PTPN2: variants seen among roughly 807,000 people sequenced by gnomAD.
PTPN2 encodes tyrosine-protein phosphatase non-receptor type 2.
PTPN2 carries 19 observed loss-of-function variants against 57.3 expected under a neutral mutation model. That is an observed-to-expected ratio of 0.33 (90% CI 0.23 to 0.49). PTPN2 has a LOEUF of 0.49. PTPN2 is among the 20% of genes least tolerant of loss of function. The pLI is 0.99. For synonymous variants in PTPN2, 153 were observed against 164.9 expected (o/e 0.93, Z 0.55); for missense variants, 358 against 501.1 (o/e 0.71, Z 2.73).
At chr18:12,803,558 T>G (rs1473134959) in intron 7 of PTPN2, among the ~76,000 whole-genome samples, 4 of 152,106 alleles carry the variant, frequency 2.6e-5, no homozygotes, top group Non-Finnish European at 2.9e-5. Flanking sequence ...GAAATGATAC[T>G]CCATGCAAAT....
intron 8 of PTPN2, among the ~76,000 whole-genome samples, chr18:12,800,862 TGA>T (rs2041394562): frequency 6.6e-6 from 1 of 152,210 alleles, no homozygotes; most frequent in Non-Finnish European, 1.5e-5. Context: ...TCCTAATCTG[TGA>T]GAGACAGTCT....
chr18:12,803,781 G>A (rs946021870), intron 7 of PTPN2, among the ~76,000 whole-genome samples: 3 of 152,046 alleles, frequency 2.0e-5, no homozygotes, highest in African/African-American at 7.2e-5. Flanking sequence ...ATAATAGCAG[G>A]AGAACGCTAC....
intron 7 of PTPN2, among the ~76,000 whole-genome samples, chr18:12,808,053 C>T (rs971923020): frequency 1.3e-5 from 2 of 151,890 alleles, no homozygotes; most frequent in Non-Finnish European, 2.9e-5. Flanking sequence ...TGTGGTGGCA[C>T]GCGCCTGCAG....
At chr18:12,795,097 G>A (rs1482672253) in intron 8 of PTPN2, among the ~76,000 whole-genome samples, 2 of 152,170 alleles carry the variant, frequency 1.3e-5, no homozygotes, top group Non-Finnish European at 1.5e-5. Context: ...TAGTCAGCAG[G>A]AGCAGGAGTG....
chr18:12,820,015 C>A (rs550014424), intron 5 of PTPN2, among the ~76,000 whole-genome samples: 1 of 152,214 alleles, frequency 6.6e-6, no homozygotes, highest in Admixed American at 6.5e-5. Flanking sequence ...AGTACCCCTA[C>A]GGGGTCCTGC....
At chr18:12,859,607 G>C (rs927409091) in intron 1 of PTPN2, among the ~76,000 whole-genome samples, 1 of 152,156 alleles carries the variant, frequency 6.6e-6, no homozygotes, top group Admixed American at 6.5e-5. Context: ...CTACAAGCAA[G>C]CATCAAACAC....
rs2041058028 is a variant in PTPN2 at position 12,793,757 on chromosome 18, A to G, written c.*521T>C. The G allele has an allele frequency of 1.1e-6, 1 of 942,412 alleles. No individual in the cohort carries two copies. The highest frequency in any genetic ancestry group is 1.8e-5 in the African/African-American group (1 of 56,164). The allele number at this position is 942,412 out of a possible 1,614,324, so 58.4% of individuals were successfully genotyped here. A position where few individuals can be genotyped will look rare whatever the true frequency, so the allele number is the denominator to read the frequency against. ...GCTCTTAAAAAGTACAGTTAACTAC[A>G]AAAGATTAAATAGATACTTATAAAA... On this transcript the variant is annotated 3_prime_UTR_variant, in exon 9 of 9. Coordinates refer to ENST00000309660, the MANE Select transcript of PTPN2 (RefSeq NM_002828.4).
chr18:12,804,269 G>A (rs1336903147), intron 7 of PTPN2, among the ~76,000 whole-genome samples: 1 of 139,252 alleles, frequency 7.2e-6, no homozygotes, highest in South Asian at 2.3e-4. Flanking sequence ...TCCAGTCTAG[G>A]GGTCAGAGTG....
intron 8 of PTPN2, 200 bp downstream of exon 8, chr18:12,801,770 T>C (rs900832378): frequency 1.2e-5 from 7 of 563,500 alleles, no homozygotes; most frequent in Non-Finnish European, 2.2e-5. Flanking sequence ...GGTCTCACTA[T>C]GTTGCCCAGG....
At chr18:12,875,342 A>C (rs1283314270) in intron 1 of PTPN2, among the ~76,000 whole-genome samples, 2 of 152,024 alleles carry the variant, frequency 1.3e-5, no homozygotes, top group Non-Finnish European at 2.9e-5. Context: ...CATAGAACAG[A>C]AAAGTTTAGT....
At chr18:12,812,558 C>T (rs2145296882) in intron 7 of PTPN2, among the ~76,000 whole-genome samples, 1 of 152,144 alleles carries the variant, frequency 6.6e-6, no homozygotes, top group South Asian at 2.1e-4. Context: ...GAGATTGTGC[C>T]ATTGCACTCC....
intron 9 of PTPN2, chr18:12,785,905 A>G: frequency 7.3e-7 from 1 of 1,361,646 alleles, no homozygotes; most frequent in Non-Finnish European, 1.0e-6. Flanking sequence ...ACAGACGAAC[A>G]TAGATGCACA....
chr18:12,807,578 A>ATAT (rs1356091628), intron 7 of PTPN2, among the ~76,000 whole-genome samples: 1 of 59,272 alleles, frequency 1.7e-5, no homozygotes, highest in Non-Finnish European at 4.0e-5. Flanking sequence ...GAAAAAAAAA[A>ATAT]AAAAAAAAAT....
chr18:12,796,836 T>TA (rs1405165058), intron 8 of PTPN2, among the ~76,000 whole-genome samples: 3 of 152,240 alleles, frequency 2.0e-5, no homozygotes, highest in African/African-American at 7.2e-5. Flanking sequence ...CTTCTATTCT[T>TA]ACGGCATTTA....
At chr18:12,808,772 G>A (rs183563077) in intron 7 of PTPN2, among the ~76,000 whole-genome samples, 2 of 152,326 alleles carry the variant, frequency 1.3e-5, no homozygotes, top group Admixed American at 6.5e-5. Flanking sequence ...GCGAGACTCC[G>A]TCTCAAAAGA....
At chr18:12,834,326 CA>C (rs11368721) in intron 3 of PTPN2, among the ~76,000 whole-genome samples, 22 of 133,138 alleles carry the variant, frequency 1.7e-4, no homozygotes, top group Admixed American at 3.0e-4. Context: ...GACTCCATCT[CA>C]AAAAAAAAAA....
Position 12,826,241 on chromosome 18 carries a change from A to ATGGTG in PTPN2, c.361-298_361-297insCACCA, listed in dbSNP as rs2042452755. On this transcript the variant is annotated intron_variant, in intron 4 of 8. Coordinates refer to ENST00000309660, the MANE Select transcript of PTPN2 (RefSeq NM_002828.4). The stretch of plus-strand genomic sequence containing the variant: ...AATATGGTGAAACCCTGTCTCTACT[A>ATGGTG]AAAATACAAAAACTAGCTAGGCGCG... 2.0e-5 allele frequency among the ~76,000 whole-genome samples: 3 copies of ATGGTG among 152,152 alleles called. No individual in the cohort carries two copies. The South Asian group carries it at 6.2e-4, about 32-fold the overall frequency.
At chr18:12,857,520 C>G (rs532061149) in intron 2 of PTPN2, among the ~76,000 whole-genome samples, 1 of 152,216 alleles carries the variant, frequency 6.6e-6, no homozygotes, top group South Asian at 2.1e-4. Flanking sequence ...TTTTCAAAAT[C>G]AAAAGTTTTT....
At chr18:12,819,522 C>T (rs1451862455) in intron 5 of PTPN2, among the ~76,000 whole-genome samples, 3 of 151,938 alleles carry the variant, frequency 2.0e-5, no homozygotes, top group African/African-American at 7.3e-5. Flanking sequence ...AACACAAGAA[C>T]ATCTGGGGCA....
Sources: gnomAD v4.1 joint callset for allele counts (sites outside exome capture counted in the v4.1 genomes callset) on GRCh38, gnomAD v4.1.1 for gene constraint, MANE v1.5 for transcripts, NCBI Gene and HGNC (gene_info 2026-07-23, HGNC 2026-07-21) for gene names.